GLT1D1: variants seen among roughly 807,000 people sequenced by gnomAD.
GLT1D1 encodes the protein glycosyltransferase 1 domain containing 1.
Under a neutral mutation model 28.7 loss-of-function variants are expected in GLT1D1, and 21 were observed. The ratio of observed to expected loss-of-function variants is 0.73; its 90% CI spans 0.52 to 1.05. The LOEUF (loss-of-function observed/expected upper bound fraction) is 1.05. GLT1D1 is among the 50% of genes least tolerant of loss of function. GLT1D1 has a pLI of 0.00. For synonymous variants in GLT1D1, 147 were observed against 124.8 expected (o/e 1.18, Z -1.19); for missense variants, 343 against 330.6 (o/e 1.04, Z -0.29).
intron 3 of GLT1D1, among the ~76,000 whole-genome samples, chr12:128,890,376 A>C (rs375394086): frequency 4.6e-5 from 7 of 152,212 alleles, no homozygotes; most frequent in East Asian, 1.9e-4. Flanking sequence ...TTGACAAGGC[A>C]TACTTAGAAA....
intron 7 of GLT1D1, among the ~76,000 whole-genome samples, chr12:128,967,927 C>G (rs781201403): frequency 1.3e-5 from 2 of 152,174 alleles, no homozygotes; most frequent in Non-Finnish European, 2.9e-5. Context: ...CCAGTTAAGC[C>G]CAGAGGAAAC....
At chr12:128,958,147 A>G (rs1351156011) in intron 7 of GLT1D1, among the ~76,000 whole-genome samples, 1 of 152,180 alleles carries the variant, frequency 6.6e-6, no homozygotes, top group Non-Finnish European at 1.5e-5. Context: ...TCTGGGGCAC[A>G]CATGTGTGCC....
chr12:128,913,051 T>C (rs1471132859), intron 4 of GLT1D1, among the ~76,000 whole-genome samples: 1 of 152,206 alleles, frequency 6.6e-6, no homozygotes, highest in African/African-American at 2.4e-5. Context: ...CCATCAGCAG[T>C]ATGTTTGGAA....
chr12:128,968,339 C>T (rs759985141), intron 7 of GLT1D1, among the ~76,000 whole-genome samples: 3 of 151,258 alleles, frequency 2.0e-5, no homozygotes, highest in Non-Finnish European at 4.4e-5. Context: ...GCTTATTGTA[C>T]GATACTGGGA....
intron 4 of GLT1D1, among the ~76,000 whole-genome samples, chr12:128,907,205 A>G (rs920010): frequency 0.042 from 6,429 of 152,036 alleles, 476 homozygotes; most frequent in African/African-American, 0.15. Flanking sequence ...AATGCATTGA[A>G]CACGTGGGTT....
chr12:128,917,767 A>G (rs1872247916), intron 4 of GLT1D1, among the ~76,000 whole-genome samples: 1 of 152,230 alleles, frequency 6.6e-6, no homozygotes, highest in African/African-American at 2.4e-5. Flanking sequence ...CGAAACCACA[A>G]TGAGATAACA....
At chr12:128,853,927 C>T (rs975580135) in intron 1 of GLT1D1, among the ~76,000 whole-genome samples, 1 of 152,150 alleles carries the variant, frequency 6.6e-6, no homozygotes, top group African/African-American at 2.4e-5. Flanking sequence ...CGGAGCCTGT[C>T]GTGGAGGGGC....
intron 7 of GLT1D1, among the ~76,000 whole-genome samples, chr12:128,978,623 G>A (rs470620): frequency 0.8 from 121,667 of 152,014 alleles, 48,746 homozygotes; most frequent in African/African-American, 0.84. Flanking sequence ...AAGGGGTCCC[G>A]ATCCAGACCC....
intron 4 of GLT1D1, among the ~76,000 whole-genome samples, chr12:128,912,702 G>A (rs1011106171): frequency 2.6e-5 from 4 of 151,550 alleles, no homozygotes; most frequent in South Asian, 2.1e-4. Context: ...TGGCTCTGTC[G>A]CCTAGGCTGG....
rs1880572053 is a variant in GLT1D1 at position 128,984,019 on chromosome 12, T to A, written c.*929T>A. 6.6e-6 allele frequency: 1 copy of A among 152,324 alleles called. No homozygotes were observed. Among genetic ancestry groups the A allele is most frequent in the African/African-American group, 2.4e-5 (1 of 41,464 alleles). The allele number at this position is 152,324 out of a possible 1,614,324, so 9.4% of individuals were successfully genotyped here. A position where few individuals can be genotyped will look rare whatever the true frequency, so the allele number is the denominator to read the frequency against. ...CCCCATCCATGTCATCCATGTCACA[T>A]GAGGACGTGCAGTCTTCCTTGTCCT... is the stretch of plus-strand genomic sequence containing the variant. On this transcript the variant is annotated 3_prime_UTR_variant, in exon 8 of 8. Transcript: ENST00000281703.
intron 4 of GLT1D1, 120 bp from the exon 6 acceptor site, chr12:128,914,813 C>G (rs1379059547): frequency 1.4e-6 from 1 of 732,140 alleles, no homozygotes; most frequent in Middle Eastern, 3.4e-4. Context: ...GAGCGAGACT[C>G]TGTCTCAAAA....
chr12:128,976,596 A>G (rs1484404730), intron 7 of GLT1D1, among the ~76,000 whole-genome samples: 1 of 152,224 alleles, frequency 6.6e-6, no homozygotes, highest in Non-Finnish European at 1.5e-5. Context: ...AGTTTAACAC[A>G]CCAAGCCTGA....
At chr12:128,952,872 C>G (rs563764283) in intron 6 of GLT1D1, among the ~76,000 whole-genome samples, 1 of 149,972 alleles carries the variant, frequency 6.7e-6, no homozygotes, top group Non-Finnish European at 1.5e-5. Context: ...TCCACCTCCC[C>G]GGTTCAAGTG....
At chr12:128,875,010 A>G (rs764449517) in intron 1 of GLT1D1, among the ~76,000 whole-genome samples, 7 of 151,746 alleles carry the variant, frequency 4.6e-5, no homozygotes, top group Non-Finnish European at 8.8e-5. Context: ...AGCTGAAACT[A>G]AGGTGGAGAC....
chr12:128,939,844 C>A (rs1874973119), intron 4 of GLT1D1, among the ~76,000 whole-genome samples: 1 of 145,326 alleles, frequency 6.9e-6, no homozygotes, highest in Admixed American at 6.8e-5. Flanking sequence ...GAAACCCCCC[C>A]CCACCGCCGA....
At chr12:128,865,873 A>T (rs185584001) in intron 1 of GLT1D1, among the ~76,000 whole-genome samples, 1 of 152,198 alleles carries the variant, frequency 6.6e-6, no homozygotes, top group East Asian at 1.9e-4. Flanking sequence ...AAACCCCCCC[A>T]AAACCCCAAA....
rs879864865 is a variant in GLT1D1, at chr12:128,984,354, C to G, written c.*1264C>G. 1 of 152,012 alleles carries G rather than the reference C, an allele frequency of 6.6e-6. No individual in the cohort carries two copies. The highest frequency in any genetic ancestry group is 2.4e-5 in the African/African-American group (1 of 41,360). The allele number at this position is 152,012 out of a possible 1,614,324, so 9.4% of individuals were successfully genotyped here. On this transcript the variant is annotated 3_prime_UTR_variant, in exon 8 of 8. Coordinates refer to ENST00000281703, the MANE Select transcript of GLT1D1 (RefSeq NM_144669.3). ...ACCATCATTTTTTTAATGGCACAAC[C>G]TACATCTTGTTTTTAAAAGAAGTAG... is the stretch of plus-strand genomic sequence containing the variant.
intron 4 of GLT1D1, among the ~76,000 whole-genome samples, chr12:128,908,842 G>A (rs1007885909): frequency 9.9e-5 from 15 of 152,046 alleles, no homozygotes; most frequent in African/African-American, 3.1e-4. Flanking sequence ...CCAGCTACTC[G>A]GGAGGCTGAG....
At chr12:128,959,476 G>C (rs1449875603) in intron 7 of GLT1D1, among the ~76,000 whole-genome samples, 1 of 125,306 alleles carries the variant, frequency 8.0e-6, no homozygotes, top group Non-Finnish European at 1.7e-5. Flanking sequence ...GGGCAGCAAG[G>C]GAGTGGGGGC....
Sources: allele counts gnomAD v4.1 joint callset (sites outside exome capture counted in the v4.1 genomes callset), GRCh38; gene constraint gnomAD v4.1.1; transcripts MANE v1.5; gene names NCBI Gene and HGNC (gene_info 2026-07-23, HGNC 2026-07-21).